SORCS2: variants seen among roughly 807,000 people sequenced by gnomAD.
The protein encoded by SORCS2 is VPS10 domain-containing receptor SorCS2.
In SORCS2, 100 loss-of-function variants were observed where a neutral mutation model predicts 141.6. That is an observed-to-expected ratio of 0.71 (90% CI 0.60 to 0.83). The LOEUF (loss-of-function observed/expected upper bound fraction) is 0.83, where lower values mean the gene tolerates loss of function less well. SORCS2 is among the 40% of genes least tolerant of loss of function. The pLI is 0.00. For synonymous variants in SORCS2, 789 were observed against 676.9 expected, an observed-to-expected ratio of 1.17 and a Z score of -2.57; for missense variants, 1,646 against 1,560.2, an observed-to-expected ratio of 1.05 and a Z score of -0.93.
At chr4:7,381,913 C>G (rs1292705539) in intron 1 of SORCS2, 1 of 986,554 alleles carries the variant, frequency 1.0e-6, no homozygotes, top group Non-Finnish European at 1.2e-6. Context: ...AGGCAGACAG[C>G]AGAATGACCA....
At chr4:7,355,981 G>A (rs1341744248) in intron 1 of SORCS2, among the ~76,000 whole-genome samples, 5 of 152,234 alleles carry the variant, frequency 3.3e-5, no homozygotes, top group Admixed American at 1.3e-4. Flanking sequence ...TCTTCCCTGG[G>A]TTTCTCGGCT....
intron 1 of SORCS2, among the ~76,000 whole-genome samples, chr4:7,331,251 C>A (rs576309100): frequency 6.6e-6 from 1 of 152,114 alleles, no homozygotes; most frequent in East Asian, 1.9e-4. Flanking sequence ...ATGCACCTCA[C>A]GTGACCTGGG....
chr4:7,392,190 T>C (rs1228356201), intron 1 of SORCS2, among the ~76,000 whole-genome samples: 2 of 152,198 alleles, frequency 1.3e-5, no homozygotes, highest in Non-Finnish European at 2.9e-5. Flanking sequence ...CTCACTGGGC[T>C]AAGGAAGGTG....
rs144578663 is a variant in SORCS2 at position 7,417,597 on chromosome 4, A to T, written c.548+21242A>T. 3.7e-3 allele frequency among the ~76,000 whole-genome samples: 562 copies of T among 152,246 alleles called. 2 individuals are homozygous for T. The highest frequency in any genetic ancestry group is 0.013 in the African/African-American group (537 of 41,556). Reference sequence around the variant, plus strand: ...TCCCACCTTTAAAACGGGTCTGCTGAGATGGGGCAAAGGTGCTTTGTGAGG... The same window carrying T: ...TCCCACCTTTAAAACGGGTCTGCTGTGATGGGGCAAAGGTGCTTTGTGAGG... On this transcript the variant is annotated intron_variant, in intron 2 of 26. Coordinates refer to ENST00000507866, the MANE Select transcript of SORCS2 (RefSeq NM_020777.3).
intron 2 of SORCS2, chr4:7,433,568 A>T: frequency 6.2e-7 from 1 of 1,611,752 alleles, no homozygotes; most frequent in Non-Finnish European, 8.5e-7. Flanking sequence ...AAGTGCTTGC[A>T]CTGGATCATA....
At chr4:7,610,289 T>C (rs904932191) in intron 3 of SORCS2, among the ~76,000 whole-genome samples, 2 of 152,194 alleles carry the variant, frequency 1.3e-5, no homozygotes, top group Non-Finnish European at 2.9e-5. Context: ...CGTGAGATGC[T>C]GGTGTCAAGT....
intron 2 of SORCS2, among the ~76,000 whole-genome samples, chr4:7,452,808 G>A (rs1191984289): frequency 1.3e-5 from 2 of 152,194 alleles, no homozygotes; most frequent in African/African-American, 4.8e-5. Context: ...CAGGCGCCAT[G>A]TTGGGGTCAG....
intron 1 of SORCS2, among the ~76,000 whole-genome samples, chr4:7,230,886 A>G (rs1428111802): frequency 6.6e-6 from 1 of 152,204 alleles, no homozygotes; most frequent in Non-Finnish European, 1.5e-5. Context: ...TCTGGGCAGG[A>G]GCAGTGTCAT....
chr4:7,592,135 G>A (rs867466845), intron 3 of SORCS2, among the ~76,000 whole-genome samples: 7 of 152,142 alleles, frequency 4.6e-5, no homozygotes, highest in African/African-American at 1.4e-4. Flanking sequence ...TGGCTCTCTC[G>A]ACAAAGCCCC....
chr4:7,433,676 G>A, intron 2 of SORCS2: 1 of 1,610,298 alleles, frequency 6.2e-7, no homozygotes, highest in Non-Finnish European at 8.5e-7. Context: ...ACCGTGAGCA[G>A]CCTCTTGCAC....
At position 7,714,260 on chromosome 4, in the gene SORCS2, C is replaced by T; in HGVS notation, c.2010C>T (p.Gly670=). Residue 670 remains glycine, a synonymous_variant, in exon 16 of 27, where the codon GGC becomes GGT. Coordinates refer to ENST00000507866, the MANE Select transcript of SORCS2 (RefSeq NM_020777.3). The part of the protein sequence containing the change: ...SNLQGDRCIM[G]QQRSFRKRKS... ...TGCAGGGCGACCGCTGTATCATGGG[C>T]CAGCAGAGAAGTTTCCGGAAAAGAA... The T allele has an allele frequency of 6.2e-7, 1 of 1,611,090 alleles. No individual in the cohort carries two copies. Among genetic ancestry groups the T allele is most frequent in the Non-Finnish European group, 8.5e-7 (1 of 1,178,866 alleles).
chr4:7,601,070 G>A (rs1314922366), intron 3 of SORCS2, among the ~76,000 whole-genome samples: 1 of 152,156 alleles, frequency 6.6e-6, no homozygotes, highest in Non-Finnish European at 1.5e-5. Context: ...ATTTTTAGCA[G>A]GAACAGGGTT....
chr4:7,411,128 G>A (rs1468105397), intron 2 of SORCS2, among the ~76,000 whole-genome samples: 1 of 151,678 alleles, frequency 6.6e-6, no homozygotes, highest in African/African-American at 2.4e-5. Flanking sequence ...GCTAATTTTT[G>A]TATTTTTAGT....
intron 2 of SORCS2, chr4:7,433,665 C>T (rs1437713826): frequency 9.9e-6 from 16 of 1,609,422 alleles, no homozygotes; most frequent in African/African-American, 1.3e-5. Flanking sequence ...TGTGGGAGGA[C>T]ACCGTGAGCA....
chr4:7,237,016 C>T (rs1712330498), intron 1 of SORCS2, among the ~76,000 whole-genome samples: 1 of 152,230 alleles, frequency 6.6e-6, no homozygotes, highest in Non-Finnish European at 1.5e-5. Flanking sequence ...GGCTCTGAGG[C>T]AGCCATCCTG....
intron 1 of SORCS2, among the ~76,000 whole-genome samples, chr4:7,230,760 G>T (rs1436033044): frequency 6.6e-6 from 1 of 151,164 alleles, no homozygotes; most frequent in Non-Finnish European, 1.5e-5. Flanking sequence ...GGCAGGAGCA[G>T]TGTGATGTGC....
chr4:7,592,630 C>G (rs1716994525), intron 3 of SORCS2, among the ~76,000 whole-genome samples: 1 of 152,232 alleles, frequency 6.6e-6, no homozygotes, highest in African/African-American at 2.4e-5. Context: ...TGAGATGGAG[C>G]TTCTGTTACA....
intron 3 of SORCS2, among the ~76,000 whole-genome samples, chr4:7,544,554 C>A (rs1039148448): frequency 6.6e-6 from 1 of 152,254 alleles, no homozygotes; most frequent in Non-Finnish European, 1.5e-5. Flanking sequence ...CCTGCCATTG[C>A]AGATTCCAGG....
intron 1 of SORCS2, among the ~76,000 whole-genome samples, chr4:7,331,649 G>GC (rs1719662070): frequency 6.6e-6 from 1 of 152,126 alleles, no homozygotes. Context: ...GTCCACCCAC[G>GC]CCCCCGGGGA....
Sources: allele counts gnomAD v4.1 joint callset (sites outside exome capture counted in the v4.1 genomes callset), GRCh38; gene constraint gnomAD v4.1.1; transcripts MANE v1.5; gene names NCBI Gene and HGNC (gene_info 2026-07-23, HGNC 2026-07-21).